DACH2: variants seen among roughly 807,000 people sequenced by gnomAD.
The protein encoded by DACH2 is dachshund family transcription factor 2, also known as dachshund homolog 2.
In DACH2, 17 loss-of-function variants were observed where a neutral mutation model predicts 35.8. The observed-to-expected ratio is 0.48, with a 90% CI of 0.33 to 0.71. The LOEUF (loss-of-function observed/expected upper bound fraction) is 0.71, where lower values mean the gene tolerates loss of function less well. DACH2 is among the 30% of genes least tolerant of loss of function. DACH2 has a pLI of 0.02. For synonymous variants in DACH2, 195 were observed against 177.3 expected (o/e 1.10, Z -0.79); for missense variants, 469 against 472.7 (o/e 0.99, Z 0.07).
chrX:86,401,279 C>A (rs753559592), intron 2 of DACH2, among the ~76,000 whole-genome samples: 52 of 112,370 alleles, frequency 4.6e-4, no homozygotes, highest in African/African-American at 1.5e-3. Context: ...CCATCTGTCA[C>A]CCCTTTCTTT....
intron 3 of DACH2, among the ~76,000 whole-genome samples, chrX:86,527,406 G>A (rs1452286461): frequency 9.0e-6 from 1 of 111,255 alleles, no homozygotes; most frequent in East Asian, 2.8e-4. Flanking sequence ...ATATATATTA[G>A]TTTGTATTTT....
At chrX:86,555,605 A>T (rs2039107258) in intron 3 of DACH2, among the ~76,000 whole-genome samples, 1 of 111,587 alleles carries the variant, frequency 9.0e-6, no homozygotes, top group African/African-American at 3.2e-5. Context: ...TATTTTTTAA[A>T]TCACTTGAAT....
chrX:86,488,701 G>A (rs1304305429), intron 2 of DACH2, among the ~76,000 whole-genome samples: 1 of 111,201 alleles, frequency 9.0e-6, no homozygotes, highest in African/African-American at 3.3e-5. Flanking sequence ...ATGTATTGAA[G>A]CATCACCTTG....
intron 5 of DACH2, among the ~76,000 whole-genome samples, chrX:86,702,031 A>T (rs1190381494): frequency 8.9e-6 from 1 of 111,921 alleles, no homozygotes; most frequent in African/African-American, 3.2e-5. Context: ...AAGTTAAAAA[A>T]GTCTCAATAA....
chrX:86,725,556 G>A (rs772857450), intron 6 of DACH2, among the ~76,000 whole-genome samples: 1 of 111,314 alleles, frequency 9.0e-6, no homozygotes, highest in African/African-American at 3.3e-5. Flanking sequence ...AATAGGCTGT[G>A]TCTGCCTGTT....
intron 1 of DACH2, among the ~76,000 whole-genome samples, chrX:86,332,633 A>G (rs1191529439): frequency 8.9e-6 from 1 of 111,954 alleles, no homozygotes; most frequent in Non-Finnish European, 1.9e-5. Context: ...TCTAAAGCAC[A>G]GGGACCTGAA....
chrX:86,579,256 C>T, intron 3 of DACH2, among the ~76,000 whole-genome samples: 1 of 110,643 alleles, frequency 9.0e-6, no homozygotes, highest in Middle Eastern at 4.2e-3. Flanking sequence ...TTATGCCTGG[C>T]TAATTTTTGT....
intron 2 of DACH2, among the ~76,000 whole-genome samples, chrX:86,412,403 T>G (rs769505803): frequency 5.6e-4 from 63 of 111,773 alleles, no homozygotes; most frequent in South Asian, 5.6e-3. Flanking sequence ...AGAGCATACA[T>G]GGCCTTCTGG....
intron 4 of DACH2, among the ~76,000 whole-genome samples, chrX:86,660,961 A>G (rs1179066482): frequency 1.8e-5 from 2 of 111,123 alleles, no homozygotes; most frequent in Non-Finnish European, 3.8e-5. Context: ...AATAATCACC[A>G]TTATTTTTTC....
chrX:86,228,214 A>T (rs2032868673), intron 1 of DACH2, among the ~76,000 whole-genome samples: 1 of 109,992 alleles, frequency 9.1e-6, no homozygotes, highest in Non-Finnish European at 1.9e-5. Flanking sequence ...AGAACATACG[A>T]TGTTTGGTTT....
intron 1 of DACH2, among the ~76,000 whole-genome samples, chrX:86,268,283 G>C (rs747686357): frequency 4.4e-4 from 49 of 110,581 alleles, no homozygotes; most frequent in African/African-American, 1.5e-3. Flanking sequence ...AATAGTTAAC[G>C]TTCATTGAGT....
At chrX:86,462,063 G>A (rs2037583606) in intron 2 of DACH2, among the ~76,000 whole-genome samples, 4 of 111,186 alleles carry the variant, frequency 3.6e-5, no homozygotes, top group Non-Finnish European at 7.6e-5. Flanking sequence ...ACAGAGAAAT[G>A]TCACTGAAGG....
chrX:86,584,083 T>A (rs1414928812), intron 3 of DACH2, among the ~76,000 whole-genome samples: 1 of 110,900 alleles, frequency 9.0e-6, no homozygotes, highest in Non-Finnish European at 1.9e-5. Flanking sequence ...TTTTGAAAAG[T>A]TTTCAACTAT....
chrX:86,593,753 G>C (rs898433375), intron 3 of DACH2, among the ~76,000 whole-genome samples: 1 of 110,940 alleles, frequency 9.0e-6, no homozygotes, highest in Non-Finnish European at 1.9e-5. Flanking sequence ...TTAGTGGCTG[G>C]CATTTTTGAG....
At position 86,391,282 on chromosome X, in the gene DACH2, T is replaced by TA. The variant is rs55941702; in HGVS notation, c.527+14460dup. 4.2e-3 allele frequency among the ~76,000 whole-genome samples: 89 copies of TA among 21,430 alleles called. 4 individuals are homozygous for TA. The highest frequency in any genetic ancestry group is 5.9e-3 in the Non-Finnish European group (76 of 12,820). 18.6% of individuals were successfully genotyped at this position (21,430 alleles called of 115,157 possible). ...TGGGTGACAGAGTGAGGCTCTGTCT[T>TA]AAAAAAAAAAAAAAAAAAAAAAAAA... On this transcript the variant is annotated intron_variant, in intron 2 of 11. Coordinates refer to ENST00000373125, the MANE Select transcript of DACH2 (RefSeq NM_053281.3).
chrX:86,508,495 G>A (rs1308659060), intron 2 of DACH2, among the ~76,000 whole-genome samples: 1 of 110,115 alleles, frequency 9.1e-6, no homozygotes, highest in Non-Finnish European at 1.9e-5. Context: ...GGGAAGCAGA[G>A]GTTGCAGTGG....
At chrX:86,382,163 C>G (rs753369717) in intron 2 of DACH2, among the ~76,000 whole-genome samples, 16 of 109,108 alleles carry the variant, frequency 1.5e-4, no homozygotes, top group Middle Eastern at 4.6e-3. Flanking sequence ...TCTAAGGACA[C>G]GAGCCCATGA....
chrX:86,278,033 C>A (rs781386564), intron 1 of DACH2, among the ~76,000 whole-genome samples: 1 of 111,469 alleles, frequency 9.0e-6, no homozygotes, highest in Non-Finnish European at 1.9e-5. Context: ...GTGGTTAGAC[C>A]GAGAAGATGC....
chrX:86,436,233 T>G lies in DACH2; in HGVS notation c.527+59371T>G, dbSNP rs192652157. Among the ~76,000 whole-genome samples, 447 of 111,041 alleles carry G rather than the reference T, an allele frequency of 4.0e-3. 3 individuals are homozygous for G. The highest frequency in any genetic ancestry group is 0.014 in the African/African-American group (422 of 30,663). Reference sequence around the variant, plus strand: ...AAGGAAACCTTGATCAACTGCCATATTAATTCAAGGGCATAACTGAAACTC... The same window carrying G: ...AAGGAAACCTTGATCAACTGCCATAGTAATTCAAGGGCATAACTGAAACTC... On this transcript the variant is annotated intron_variant, in intron 2 of 11. Coordinates refer to ENST00000373125, the MANE Select transcript of DACH2 (RefSeq NM_053281.3).
Sources: gnomAD v4.1 joint callset for allele counts (sites outside exome capture counted in the v4.1 genomes callset) on GRCh38, gnomAD v4.1.1 for gene constraint, MANE v1.5 for transcripts, NCBI Gene and HGNC (gene_info 2026-07-23, HGNC 2026-07-21) for gene names.